SLC41A3: variants seen among roughly 807,000 people sequenced by gnomAD.
SLC41A3 encodes SLC41A1-like 2.
In SLC41A3, 44 loss-of-function variants were observed where a neutral mutation model predicts 45.4. The observed-to-expected ratio is 0.97, with a 90% CI of 0.76 to 1.25. The LOEUF (loss-of-function observed/expected upper bound fraction) is 1.25, where lower values mean the gene tolerates loss of function less well. Ranked by LOEUF, SLC41A3 falls within the 50% of genes most tolerant of loss-of-function variation. The pLI is 0.00. For missense variants in SLC41A3, 550 were observed against 600.6 expected (o/e 0.92, Z 0.88); for synonymous variants, 256 against 252.4 (o/e 1.01, Z -0.13).
chr3:126,013,424 A>C (rs550938205), intron 8 of SLC41A3, among the ~76,000 whole-genome samples: 11 of 152,146 alleles, frequency 7.2e-5, no homozygotes, highest in African/African-American at 2.6e-4. Flanking sequence ...TTAGCTGGGC[A>C]TGGTGGTGCA....
At chr3:126,014,584 G>A (rs1940076582) in intron 8 of SLC41A3, among the ~76,000 whole-genome samples, 1 of 152,256 alleles carries the variant, frequency 6.6e-6, no homozygotes, top group African/African-American at 2.4e-5. Flanking sequence ...CATGCACAAT[G>A]TGAAGGCACT....
At chr3:126,065,021 C>T (rs746944720) in intron 2 of SLC41A3, among the ~76,000 whole-genome samples, 13 of 152,232 alleles carry the variant, frequency 8.5e-5, no homozygotes, top group African/African-American at 1.2e-4. Flanking sequence ...CAAGGCAAGA[C>T]GTAGGAGTGG....
intron 2 of SLC41A3, among the ~76,000 whole-genome samples, 182 bp downstream of exon 2, chr3:126,067,765 G>C (rs1051917396): frequency 3.3e-5 from 5 of 152,056 alleles, no homozygotes; most frequent in African/African-American, 1.2e-4. Flanking sequence ...AGATTAACTT[G>C]GGTTAAATTT....
chr3:126,065,183 A>C (rs1441226356), intron 2 of SLC41A3, among the ~76,000 whole-genome samples: 1 of 152,222 alleles, frequency 6.6e-6, no homozygotes, highest in African/African-American at 2.4e-5. Context: ...CCTCATGAAG[A>C]GAATGCATCC....
intron 9 of SLC41A3, among the ~76,000 whole-genome samples, chr3:126,010,242 G>A (rs1185283758): frequency 1.3e-5 from 2 of 152,260 alleles, no homozygotes; most frequent in Non-Finnish European, 2.9e-5. Flanking sequence ...GGGAGGCCAA[G>A]GCAGGCAATC....
At chr3:126,060,912 G>A (rs1412829455) in intron 2 of SLC41A3, among the ~76,000 whole-genome samples, 3 of 152,218 alleles carry the variant, frequency 2.0e-5, no homozygotes, top group Non-Finnish European at 4.4e-5. Context: ...GGGGCACCAG[G>A]ACCACCTGAG....
chr3:126,020,451 T>C (rs1940741690), intron 6 of SLC41A3, among the ~76,000 whole-genome samples: 2 of 152,196 alleles, frequency 1.3e-5, no homozygotes, highest in Admixed American at 1.3e-4. Flanking sequence ...TCCTGGAAAC[T>C]CTTTCATTCT....
chr3:126,025,670 C>A (rs1941278302), intron 5 of SLC41A3: 1 of 152,168 alleles, frequency 6.6e-6, no homozygotes, highest in Non-Finnish European at 1.5e-5. Flanking sequence ...AGAGCTCCCA[C>A]CTCTCTCCAC....
At chr3:126,031,429 C>T (rs1181603315) in intron 4 of SLC41A3, among the ~76,000 whole-genome samples, 1 of 152,174 alleles carries the variant, frequency 6.6e-6, no homozygotes, top group East Asian at 1.9e-4. Flanking sequence ...AGGCCCCGCT[C>T]AGTGGCAGGG....
chr3:126,024,817 C>CAGCGAACA (rs1192586603), intron 5 of SLC41A3: 1 of 152,232 alleles, frequency 6.6e-6, no homozygotes, highest in Non-Finnish European at 1.5e-5. Flanking sequence ...TCCATTCATT[C>CAGCGAACA]AGCGAACATC....
intron 1 of SLC41A3, among the ~76,000 whole-genome samples, chr3:126,069,663 T>C (rs1944525604): frequency 6.6e-6 from 1 of 152,164 alleles, no homozygotes; most frequent in African/African-American, 2.4e-5. Context: ...GCTAAAACTT[T>C]GAATTGGCTG....
At chr3:126,057,709 G>A (rs973273710) in intron 2 of SLC41A3, among the ~76,000 whole-genome samples, 10 of 152,170 alleles carry the variant, frequency 6.6e-5, no homozygotes, top group Non-Finnish European at 1.5e-4. Flanking sequence ...CCCTGCAACC[G>A]AACTCCAGAC....
At position 126,006,662 on chromosome 3, in the gene SLC41A3, C is replaced by A; in HGVS notation, c.*354G>T. ...TCCACCCCAATCTGGGTTGCATGGG[C>A]ATGGAAAAGAGCAAACACACCCTGC... On this transcript the variant is annotated 3_prime_UTR_variant, in exon 11 of 11. Coordinates refer to ENST00000360370, the MANE Select transcript of SLC41A3 (RefSeq NM_017836.4). The A allele has an allele frequency of 1.3e-6, 2 of 1,495,296 alleles. No homozygotes were observed. The highest frequency in any genetic ancestry group is 8.9e-7 in the Non-Finnish European group (1 of 1,126,344). 92.6% of individuals were successfully genotyped at this position (1,495,296 alleles called of 1,614,324 possible). A position where few individuals can be genotyped will look rare whatever the true frequency, so the allele number is the denominator to read the frequency against.
At chr3:126,030,364 C>T (rs1941709109) in intron 4 of SLC41A3, among the ~76,000 whole-genome samples, 1 of 150,728 alleles carries the variant, frequency 6.6e-6, no homozygotes, top group Non-Finnish European at 1.5e-5. Flanking sequence ...TAGAAAAATG[C>T]ACAAGGGTTA....
intron 1 of SLC41A3, among the ~76,000 whole-genome samples, chr3:126,097,697 C>G (rs1945630886): frequency 6.6e-6 from 1 of 152,124 alleles, no homozygotes; most frequent in Non-Finnish European, 1.5e-5. Flanking sequence ...CTTCCTAACT[C>G]TAATGCATGA....
intron 1 of SLC41A3, among the ~76,000 whole-genome samples, chr3:126,069,774 A>G (rs1944531343): frequency 6.6e-6 from 1 of 152,232 alleles, no homozygotes; most frequent in South Asian, 2.1e-4. Flanking sequence ...TATAGAGATG[A>G]AAATTATTTT....
intron 1 of SLC41A3, among the ~76,000 whole-genome samples, chr3:126,098,177 ACT>A (rs1220057102): frequency 1.3e-5 from 2 of 152,172 alleles, no homozygotes; most frequent in East Asian, 3.9e-4. Flanking sequence ...CCCCAATGTG[ACT>A]CTATGTGGAG....
chr3:126,068,035 G>A lies in SLC41A3; in HGVS notation c.185C>T (p.Thr62Ile). 1 of 1,613,920 alleles carries A rather than the reference G, an allele frequency of 6.2e-7. No individual in the cohort carries two copies. Among genetic ancestry groups the A allele is most frequent in the Non-Finnish European group, 8.5e-7 (1 of 1,179,988 alleles). Residue 62 changes from threonine to isoleucine, a missense_variant, in exon 2 of 11, where the codon ACC becomes ATC. By Grantham distance (89) the Thr-to-Ile change is moderately conservative. Coordinates refer to ENST00000360370, the MANE Select transcript of SLC41A3 (RefSeq NM_017836.4). ...PLETEPSRET[T>I]WSIGLQVTVP... ...GGTCACCTGAAGGCCTATGGACCAG[G>A]TGGTCTCCCTGCTAGGCTCAGTCTC...
Position 126,014,030 on chromosome 3 carries a change from T to C in SLC41A3, c.971-1281A>G, listed in dbSNP as rs553883080. Among the ~76,000 whole-genome samples, 111 of 152,258 alleles carry C rather than the reference T, an allele frequency of 7.3e-4. 1 individual carries two copies. Among genetic ancestry groups the C allele is most frequent in the Non-Finnish European group, 1.4e-3 (94 of 68,018 alleles). ...CAGATGGTCCAGCTGACAAAGGCCATGCTGAGCATTCCTTCTGTGGGGGCA... is the reference window on the plus strand; with the variant it reads ...CAGATGGTCCAGCTGACAAAGGCCACGCTGAGCATTCCTTCTGTGGGGGCA... On this transcript the variant is annotated intron_variant, in intron 8 of 10. Transcript: ENST00000360370.
Sources: gnomAD v4.1 joint callset for allele counts (sites outside exome capture counted in the v4.1 genomes callset) on GRCh38, gnomAD v4.1.1 for gene constraint, MANE v1.5 for transcripts, NCBI Gene and HGNC (gene_info 2026-07-23, HGNC 2026-07-21) for gene names.